Variants in EXD3 observed in about 807,000 individuals in gnomAD.
EXD3 encodes exonuclease 3'-5' domain containing 3.
A neutral mutation model predicts 98.0 loss-of-function variants in EXD3; 92 were observed. That is an observed-to-expected ratio of 0.94 (90% CI 0.79 to 1.12). The LOEUF is 1.12. Among genes scored for constraint, EXD3 ranks in the 50% most tolerant of loss-of-function variants. The pLI is 0.00. For synonymous variants in EXD3, 569 were observed against 526.0 expected, an observed-to-expected ratio of 1.08 and a Z score of -1.12; for missense variants, 1,222 against 1,191.6, an observed-to-expected ratio of 1.03 and a Z score of -0.38.
intron 1 of EXD3, among the ~76,000 whole-genome samples, chr9:137,419,985 C>A (rs1838431919): frequency 6.6e-6 from 1 of 151,966 alleles, no homozygotes; most frequent in South Asian, 2.1e-4. Flanking sequence ...CGGTGAAACC[C>A]CATCTCTACT....
At chr9:137,383,523 G>A in intron 2 of EXD3, 146 bp from the exon 3 acceptor site, 1 of 595,188 alleles carries the variant, frequency 1.7e-6, no homozygotes, top group Non-Finnish European at 3.0e-6. Flanking sequence ...ACCTCTGTCT[G>A]GCACACACAC....
chr9:137,420,238 G>A (rs966861010), intron 1 of EXD3, among the ~76,000 whole-genome samples: 10 of 151,172 alleles, frequency 6.6e-5, no homozygotes, highest in African/African-American at 2.4e-4. Flanking sequence ...ATGATTTTTT[G>A]TTGTTATCGA....
chr9:137,381,415 C>CAAAAAAAAAAA (rs61183889), intron 3 of EXD3, among the ~76,000 whole-genome samples: 3 of 50,838 alleles, frequency 5.9e-5, no homozygotes, highest in South Asian at 7.0e-4. Flanking sequence ...GACTCCTTCT[C>CAAAAAAAAAAA]AAAAAAAAAA....
intron 1 of EXD3, among the ~76,000 whole-genome samples, chr9:137,408,614 C>A (rs533967158): frequency 8.0e-4 from 121 of 151,630 alleles, no homozygotes; most frequent in African/African-American, 2.8e-3. Flanking sequence ...CACCTCCCCC[C>A]AGCTGCTCAG....
intron 7 of EXD3, among the ~76,000 whole-genome samples, chr9:137,364,513 T>C (rs543402109): frequency 1.1e-4 from 16 of 151,800 alleles, no homozygotes; most frequent in Admixed American, 3.9e-4. Context: ...TCCCAGTTAC[T>C]TGGGAGGCTG....
chr9:137,406,093 G>C (rs1038556589), intron 1 of EXD3, among the ~76,000 whole-genome samples: 30 of 152,108 alleles, frequency 2.0e-4, no homozygotes, highest in African/African-American at 6.3e-4. Flanking sequence ...ACATGCACCT[G>C]TAGTCCCAGC....
intron 3 of EXD3, among the ~76,000 whole-genome samples, chr9:137,375,527 C>G (rs781033182): frequency 7.9e-5 from 12 of 152,126 alleles, no homozygotes; most frequent in Non-Finnish European, 1.6e-4. Context: ...CTAGTGACTT[C>G]TAGCCCTAGT....
intron 6 of EXD3, 145 bp downstream of exon 6, chr9:137,367,791 T>C (rs1165215692): frequency 1.4e-6 from 1 of 719,078 alleles, no homozygotes; most frequent in East Asian, 2.8e-5. Flanking sequence ...TTTAGGGGGC[T>C]CTGGAGGCCC....
intron 3 of EXD3, 59 bp downstream of exon 3, chr9:137,383,254 C>A: frequency 7.1e-7 from 1 of 1,415,016 alleles, no homozygotes. Context: ...CCAGTCTCTG[C>A]CCAACAGTCA....
chr9:137,353,935 T>C, intron 10 of EXD3: 1 of 1,031,696 alleles, frequency 9.7e-7, no homozygotes, highest in Non-Finnish European at 1.2e-6. Context: ...CTTCAGGACG[T>C]CCGCTGCCCT....
In EXD3 at chr9:137,408,327, T is replaced by C. The variant is rs556805991; in HGVS notation, c.-47-12923A>G. Among the ~76,000 whole-genome samples the C allele has an allele frequency of 8.6e-5, 13 of 151,786 alleles. No individual in the cohort carries two copies. In the South Asian group the frequency reaches 2.7e-3, roughly 32 times the overall value. ...ACTTTGGGAAGCTGAGGCGGGAGGA[T>C]CACGAGGTCAGGAGATCGAGACCAT... On this transcript the variant is annotated intron_variant, in intron 1 of 21. Coordinates refer to ENST00000340951, the MANE Select transcript of EXD3 (RefSeq NM_017820.5).
Position 137,371,348 on chromosome 9 carries a change from C to T in EXD3, c.462+1557G>A, listed in dbSNP as rs1835589494. Among the ~76,000 whole-genome samples the T allele has an allele frequency of 6.6e-6, 1 of 152,304 alleles. No individual in the cohort carries two copies. The highest frequency in any genetic ancestry group is 2.1e-4 in the South Asian group (1 of 4,830). ...ATGCACCCGCCGCGAGACGACGGCC[C>T]CGGGCGTGGCAGGTGACAGCGCCAG... On this transcript the variant is annotated intron_variant, in intron 5 of 21. Coordinates refer to ENST00000340951, the MANE Select transcript of EXD3 (RefSeq NM_017820.5). This position sits in a 1 kb window ranked among gnomAD's most constrained non-coding sequence, Gnocchi z 8.0.
chr9:137,335,082 G>GAA (rs1265896720), intron 17 of EXD3, among the ~76,000 whole-genome samples: 2 of 132,110 alleles, frequency 1.5e-5, no homozygotes, highest in East Asian at 2.2e-4. Context: ...GTCTCAAAAG[G>GAA]AAAAAAAAAA....
intron 17 of EXD3, among the ~76,000 whole-genome samples, chr9:137,333,222 C>T (rs566747744): frequency 3.3e-5 from 5 of 152,220 alleles, no homozygotes; most frequent in East Asian, 1.9e-4. Flanking sequence ...CAGGGGCTCT[C>T]GGGCCTTTGG....
intron 1 of EXD3, among the ~76,000 whole-genome samples, chr9:137,412,164 C>A (rs1439331469): frequency 6.6e-6 from 1 of 152,218 alleles, no homozygotes; most frequent in African/African-American, 2.4e-5. Context: ...CGGCCTGAGA[C>A]CCAGAGCGAG....
At chr9:137,325,871 C>T (rs556193261) in intron 17 of EXD3, among the ~76,000 whole-genome samples, 1 of 152,208 alleles carries the variant, frequency 6.6e-6, no homozygotes, top group African/African-American at 2.4e-5. Flanking sequence ...GGGTAGATTG[C>T]TTGAGTCCAG....
At position 137,392,514 on chromosome 9, in the gene EXD3, T is replaced by C. The variant is rs59804638; in HGVS notation, c.55+2789A>G. On this transcript the variant is annotated intron_variant, in intron 2 of 21. Coordinates refer to ENST00000340951, the MANE Select transcript of EXD3 (RefSeq NM_017820.5). ...GCCAGGACACCTCCTGGGAAGAAGC[T>C]GACCCAGAGCCTGAGTAGGGGAGCC... is the stretch of plus-strand genomic sequence containing the variant. 1,822 of 195,016 alleles carry C rather than the reference T, an allele frequency of 9.3e-3. 37 individuals carry two copies. The highest frequency in any genetic ancestry group is 0.04 in the African/African-American group (1,711 of 42,938). The allele number at this position is 195,016 out of a possible 1,614,324, so 12.1% of individuals were successfully genotyped here. A position where few individuals can be genotyped will look rare whatever the true frequency, so the allele number is the denominator to read the frequency against.
intron 19 of EXD3, among the ~76,000 whole-genome samples, chr9:137,314,448 G>A (rs994739679): frequency 5.3e-5 from 8 of 152,284 alleles, no homozygotes; most frequent in African/African-American, 9.6e-5. Flanking sequence ...TGGGGATAGC[G>A]GCCGTCTTTT....
At chr9:137,309,582 CA>C (rs779007453) in intron 20 of EXD3, 24 bp downstream of exon 20, 1 of 1,541,350 alleles carries the variant, frequency 6.5e-7, no homozygotes, top group South Asian at 1.2e-5. Context: ...CCCCCAGACC[CA>C]GTGCCTGACC....
Sources: allele counts gnomAD v4.1 joint callset (sites outside exome capture counted in the v4.1 genomes callset), GRCh38; gene constraint gnomAD v4.1.1; non-coding constraint Gnocchi (gnomAD v3.1); transcripts MANE v1.5; gene names NCBI Gene and HGNC (gene_info 2026-07-23, HGNC 2026-07-21).